The following PTPRG variants were observed in gnomAD, a reference collection of about 807,000 sequenced individuals.
PTPRG encodes protein tyrosine phosphatase receptor type G.
In PTPRG, 102 loss-of-function variants were observed where a neutral mutation model predicts 165.3. The observed-to-expected ratio is 0.62, with a 90% CI of 0.53 to 0.73. PTPRG has a LOEUF of 0.73. Among genes scored for constraint, PTPRG ranks in the 30% least tolerant of loss-of-function variants. The pLI is 0.00. For synonymous variants in PTPRG, 675 were observed against 669.5 expected (o/e 1.01, Z -0.13); for missense variants, 1,866 against 1,861.4 (o/e 1.00, Z -0.05).
intron 3 of PTPRG, among the ~76,000 whole-genome samples, chr3:61,994,935 C>G (rs2040983767): frequency 6.6e-6 from 1 of 152,078 alleles, no homozygotes; most frequent in Non-Finnish European, 1.5e-5. Flanking sequence ...ACTGCTGCCT[C>G]TCTGCAGCCC....
intron 1 of PTPRG, among the ~76,000 whole-genome samples, chr3:61,619,219 A>G (rs746783244): frequency 8.5e-5 from 13 of 152,066 alleles, no homozygotes; most frequent in Non-Finnish European, 1.8e-4. Flanking sequence ...GTAGGCAAAC[A>G]TGGCTTTGTT....
intron 6 of PTPRG, among the ~76,000 whole-genome samples, chr3:62,138,714 CAAAAAAAAAAAA>C (rs563632840): frequency 4.4e-5 from 4 of 91,386 alleles, no homozygotes; most frequent in Middle Eastern, 6.4e-3. Context: ...GGCAAAGCTC[CAAAAAAAAAAAA>C]AAAAAAAAAA....
chr3:61,562,453 CG>C, intron 1 of PTPRG, 81 bp downstream of exon 1: 1 of 1,387,388 alleles, frequency 7.2e-7, no homozygotes, highest in Admixed American at 1.7e-5. Flanking sequence ...CGCGGAGCTC[CG>C]GCGCCCGTCC....
At chr3:61,786,037 T>C (rs17065393) in intron 2 of PTPRG, among the ~76,000 whole-genome samples, 15,562 of 152,244 alleles carry the variant, frequency 0.1, 1,165 homozygotes, top group East Asian at 0.41. Flanking sequence ...ATTAGACTTA[T>C]AAATAAAAGC....
chr3:61,944,416 C>G (rs939704054), intron 2 of PTPRG, among the ~76,000 whole-genome samples: 5 of 152,198 alleles, frequency 3.3e-5, no homozygotes. Flanking sequence ...GGACACCGTG[C>G]TTCCATCGTC....
intron 2 of PTPRG, among the ~76,000 whole-genome samples, chr3:61,918,357 A>AATACGT (rs1291680658): frequency 1.3e-5 from 2 of 151,242 alleles, no homozygotes; most frequent in Admixed American, 6.6e-5. Context: ...TTGAATGGGA[A>AATACGT]ATATGTATAT....
At chr3:61,985,057 C>T (rs2040725371) in intron 2 of PTPRG, among the ~76,000 whole-genome samples, 1 of 152,238 alleles carries the variant, frequency 6.6e-6, no homozygotes, top group African/African-American at 2.4e-5. Context: ...TAACCTTCAT[C>T]ATTTGACTAA....
At chr3:62,285,054 T>G (rs1702589085) in intron 28 of PTPRG, among the ~76,000 whole-genome samples, 2 of 152,022 alleles carry the variant, frequency 1.3e-5, no homozygotes, top group Non-Finnish European at 2.9e-5. Context: ...ACCAGATAAA[T>G]GTCATTCCTG....
Position 62,224,120 on chromosome 3 carries a change from C to T in PTPRG, c.2288+5137C>T, listed in dbSNP as rs1700710228. On this transcript the variant is annotated intron_variant, in intron 13 of 29. Coordinates refer to ENST00000474889, the MANE Select transcript of PTPRG (RefSeq NM_002841.4). The surrounding 1 kb of genome is among the most constrained non-coding windows in gnomAD (Gnocchi z 4.9). ...CTCCTAATAGGCCTTAAAGTCAATT[C>T]CAGAGGAGGACATCCCTAAATAACT... Among the ~76,000 whole-genome samples the T allele has an allele frequency of 1.3e-5, 2 of 152,054 alleles. No individual in the cohort carries two copies. Among genetic ancestry groups the T allele is most frequent in the Non-Finnish European group, 2.9e-5 (2 of 68,004 alleles).
intron 1 of PTPRG, among the ~76,000 whole-genome samples, chr3:61,605,114 C>T (rs1700967086): frequency 6.6e-6 from 1 of 152,174 alleles, no homozygotes; most frequent in Admixed American, 6.5e-5. Context: ...CGCTATCCTT[C>T]TCTTTGCTGG....
chr3:62,023,863 A>G (rs916301199), intron 4 of PTPRG, among the ~76,000 whole-genome samples: 2 of 152,164 alleles, frequency 1.3e-5, no homozygotes, highest in South Asian at 4.1e-4. Flanking sequence ...GCTCATGAGA[A>G]CATGAGATGT....
chr3:61,885,438 A>G (rs1359358270), intron 2 of PTPRG, among the ~76,000 whole-genome samples: 1 of 151,278 alleles, frequency 6.6e-6, no homozygotes, highest in East Asian at 2.0e-4. Flanking sequence ...ATTTGTACAT[A>G]TGCACATTAA....
intron 1 of PTPRG, among the ~76,000 whole-genome samples, chr3:61,671,809 G>T: frequency 6.9e-6 from 1 of 145,812 alleles, no homozygotes; most frequent in Admixed American, 6.8e-5. Flanking sequence ...CGGCTGGCCG[G>T]GCAGAGGGGC....
intron 2 of PTPRG, among the ~76,000 whole-genome samples, chr3:61,933,910 T>C (rs1181639874): frequency 2.0e-5 from 3 of 152,176 alleles, no homozygotes; most frequent in African/African-American, 7.2e-5. Flanking sequence ...TTCACCCCAT[T>C]AGATATCTGT....
intron 3 of PTPRG, among the ~76,000 whole-genome samples, chr3:62,000,378 C>T (rs936154451): frequency 3.3e-5 from 5 of 151,754 alleles, no homozygotes; most frequent in African/African-American, 1.2e-4. Flanking sequence ...GGGCAGACTT[C>T]GGTGCCAGAT....
chr3:61,830,676 G>A (rs1398532298), intron 2 of PTPRG, among the ~76,000 whole-genome samples: 1 of 144,548 alleles, frequency 6.9e-6, no homozygotes, highest in Non-Finnish European at 1.5e-5. Context: ...TCAGGTTCAA[G>A]TGATTCTCCT....
chr3:61,563,237 C>T (rs1699813095), intron 1 of PTPRG, among the ~76,000 whole-genome samples: 1 of 152,150 alleles, frequency 6.6e-6, no homozygotes, highest in Non-Finnish European at 1.5e-5. Context: ...CTACCTTCAT[C>T]TTTGCCCTTT....
At chr3:61,569,506 C>T (rs188604266) in intron 1 of PTPRG, among the ~76,000 whole-genome samples, 16 of 152,056 alleles carry the variant, frequency 1.1e-4, no homozygotes, top group African/African-American at 2.9e-4. Flanking sequence ...TTATAGAGAC[C>T]GGGTCTCTCC....
chr3:62,132,371 T>C (rs78744548), intron 5 of PTPRG, among the ~76,000 whole-genome samples: 5,479 of 152,308 alleles, frequency 0.036, 214 homozygotes, highest in African/African-American at 0.092. Context: ...ATAGTATTTC[T>C]CTCCTGTTAC....
Sources: gnomAD v4.1 joint callset for allele counts (sites outside exome capture counted in the v4.1 genomes callset) on GRCh38, gnomAD v4.1.1 for gene constraint, Gnocchi (gnomAD v3.1) non-coding constraint, MANE v1.5 for transcripts, NCBI Gene and HGNC (gene_info 2026-07-23, HGNC 2026-07-21) for gene names.